The following EPAS1 variants were observed in gnomAD, a reference collection of about 807,000 sequenced individuals.
EPAS1 encodes endothelial PAS domain-containing protein 1.
Under a neutral mutation model 87.9 loss-of-function variants are expected in EPAS1, and 23 were observed. The ratio of observed to expected loss-of-function variants is 0.26; its 90% CI spans 0.19 to 0.37. EPAS1 has a LOEUF of 0.37. Among genes scored for constraint, EPAS1 ranks in the 10% least tolerant of loss-of-function variants. The pLI is 1.00. For synonymous variants in EPAS1, 508 were observed against 444.3 expected, an observed-to-expected ratio of 1.14 and a Z score of -1.80; for missense variants, 1,138 against 1,120.7, an observed-to-expected ratio of 1.02 and a Z score of -0.22.
intron 1 of EPAS1, among the ~76,000 whole-genome samples, chr2:46,329,586 G>A (rs182947299): frequency 2.4e-3 from 364 of 152,266 alleles, no homozygotes; most frequent in Non-Finnish European, 3.7e-3. Context: ...CACTTTAGGA[G>A]GCCGAGGCGG....
intron 11 of EPAS1, 33 bp downstream of exon 11, chr2:46,378,800 T>G: frequency 6.4e-7 from 1 of 1,555,720 alleles, no homozygotes; most frequent in Non-Finnish European, 8.9e-7. Context: ...CTAGGGTGTG[T>G]GCCTGCTGTC....
intron 1 of EPAS1, among the ~76,000 whole-genome samples, chr2:46,299,671 C>T (rs994278379): frequency 6.6e-6 from 1 of 152,194 alleles, no homozygotes; most frequent in Non-Finnish European, 1.5e-5. Context: ...TGACAGTAAT[C>T]TTGACAAATG....
At chr2:46,323,969 C>G (rs1369487848) in intron 1 of EPAS1, among the ~76,000 whole-genome samples, 1 of 152,234 alleles carries the variant, frequency 6.6e-6, no homozygotes, top group Non-Finnish European at 1.5e-5. Flanking sequence ...CCACCAACAA[C>G]AAATATTTAG....
intron 1 of EPAS1, among the ~76,000 whole-genome samples, chr2:46,317,870 A>T (rs1004146554): frequency 6.6e-6 from 1 of 152,200 alleles, no homozygotes; most frequent in Non-Finnish European, 1.5e-5. Context: ...TTCTTTCCTT[A>T]AATGTGACGA....
Position 46,382,883 on chromosome 2 carries a change from A to C in EPAS1, c.2461+285A>C, listed in dbSNP as rs143171675. ...GAATGCAGACCACTACCGACTGCCC[A>C]AAGAGGACTGAACACTGAACACTGG... is the stretch of plus-strand genomic sequence containing the variant. On this transcript the variant is annotated intron_variant, in intron 15 of 15. Transcript: ENST00000263734. Among the ~76,000 whole-genome samples, 724 of 152,372 alleles carry C rather than the reference A, an allele frequency of 4.8e-3. 3 individuals are homozygous for C. The highest frequency in any genetic ancestry group is 8.0e-3 in the Non-Finnish European group (547 of 68,040).
At position 46,346,725 on chromosome 2, in the gene EPAS1, G is replaced by A. The variant is rs1397823168; in HGVS notation, c.27-148G>A. The A allele has an allele frequency of 1.3e-6, 1 of 783,730 alleles. No individual in the cohort carries two copies. Among genetic ancestry groups the A allele is most frequent in the South Asian group, 1.5e-5 (1 of 65,166 alleles). 48.5% of individuals were successfully genotyped at this position (783,730 alleles called of 1,614,324 possible). The stretch of plus-strand genomic sequence containing the variant: ...GAGCTAACAATACAAAGCAGGTTGT[G>A]TGTGGCTCAGACAACTGGTGTGAGC... On this transcript the variant is annotated intron_variant, in intron 1 of 15. Transcript: ENST00000263734. The surrounding 1 kb of genome is among the most constrained non-coding windows in gnomAD (Gnocchi z 4.0).
At chr2:46,336,070 A>G (rs1683784212) in intron 1 of EPAS1, among the ~76,000 whole-genome samples, 1 of 152,160 alleles carries the variant, frequency 6.6e-6, no homozygotes, top group African/African-American at 2.4e-5. Context: ...AATAAAATCT[A>G]AGCCGCCCCA....
rs1327348797 is a variant in EPAS1, at chr2:46,375,180, AAAAAAAAAAC to A, written c.887-491_887-482del. On this transcript the variant is annotated intron_variant, in intron 7 of 15. Coordinates refer to ENST00000263734, the MANE Select transcript of EPAS1 (RefSeq NM_001430.5). The surrounding 1 kb of genome is among the most constrained non-coding windows in gnomAD (Gnocchi z 4.1). Reference sequence around the variant, plus strand: ...AGGGTATTGGTGGTGGGTCTGCTGAAAAAAAAAAACAAAAAAAAACAAAAAAAACTGCCCT... The same window carrying A: ...AGGGTATTGGTGGTGGGTCTGCTGAAAAAAAAAAACAAAAAAAACTGCCCT... Among the ~76,000 whole-genome samples, 37 of 144,766 alleles carry A rather than the reference AAAAAAAAAAC, an allele frequency of 2.6e-4. No homozygotes were observed. Among genetic ancestry groups the A allele is most frequent in the African/African-American group, 8.4e-4 (32 of 37,966 alleles). The allele number at this position is 144,766 out of a possible 152,430, so 95.0% of individuals were successfully genotyped here. A position where few individuals can be genotyped will look rare whatever the true frequency, so the allele number is the denominator to read the frequency against.
At chr2:46,331,866 G>T (rs371832063) in intron 1 of EPAS1, among the ~76,000 whole-genome samples, 6 of 152,176 alleles carry the variant, frequency 3.9e-5, no homozygotes, top group Admixed American at 3.3e-4. Context: ...TGCCTCTGAG[G>T]CTTCAGGACT....
In EPAS1 at chr2:46,347,857, T is replaced by C. The variant is rs913476182; in HGVS notation, c.217+794T>C. Among the ~76,000 whole-genome samples the C allele has an allele frequency of 3.3e-5, 5 of 152,178 alleles. No homozygotes were observed. The highest frequency in any genetic ancestry group is 5.9e-5 in the Non-Finnish European group (4 of 68,022). On this transcript the variant is annotated intron_variant, in intron 2 of 15. Transcript: ENST00000263734. This position sits in a 1 kb window ranked among gnomAD's most constrained non-coding sequence, Gnocchi z 4.2. ...CTAGGTGACATTCTCGTCAGGGGTG[T>C]CAGTTCTGTAAGGACGCTGGGCAAC...
intron 4 of EPAS1, among the ~76,000 whole-genome samples, chr2:46,358,951 T>C (rs1343889966): frequency 6.6e-6 from 1 of 152,004 alleles, no homozygotes; most frequent in Admixed American, 6.6e-5. Flanking sequence ...GTGATCTGTG[T>C]GGAGCAGTGT....
At chr2:46,345,744 G>T (rs1684010714) in intron 1 of EPAS1, among the ~76,000 whole-genome samples, 1 of 152,146 alleles carries the variant, frequency 6.6e-6, no homozygotes, top group African/African-American at 2.4e-5. Flanking sequence ...TTTATAGGAA[G>T]TATTATGTAT....
intron 1 of EPAS1, among the ~76,000 whole-genome samples, chr2:46,308,038 C>T (rs1683141238): frequency 6.6e-6 from 1 of 152,182 alleles, no homozygotes; most frequent in South Asian, 2.1e-4. Flanking sequence ...GACCCCACCT[C>T]ACCTCTATCG....
chr2:46,337,875 T>C (rs1455866315), intron 1 of EPAS1, among the ~76,000 whole-genome samples: 1 of 152,142 alleles, frequency 6.6e-6, no homozygotes, highest in Non-Finnish European at 1.5e-5. Flanking sequence ...CTTTTTCTTT[T>C]AAAGACAGAC....
chr2:46,319,427 A>C (rs1326484709), intron 1 of EPAS1, among the ~76,000 whole-genome samples: 3 of 152,214 alleles, frequency 2.0e-5, no homozygotes, highest in Non-Finnish European at 2.9e-5. Flanking sequence ...ATCTTTAAAA[A>C]GGCACTCTTT....
intron 1 of EPAS1, among the ~76,000 whole-genome samples, chr2:46,333,217 G>A (rs1460880038): frequency 6.6e-6 from 1 of 152,264 alleles, no homozygotes; most frequent in South Asian, 2.1e-4. Context: ...CTGGGGGACC[G>A]TGACTGATTT....
chr2:46,313,076 C>T (rs952420286), intron 1 of EPAS1, among the ~76,000 whole-genome samples: 3 of 152,172 alleles, frequency 2.0e-5, no homozygotes, highest in Non-Finnish European at 4.4e-5. Flanking sequence ...TTTAAGAGGT[C>T]AGACAGCTAC....
In EPAS1 at chr2:46,356,759, T is replaced by A; in HGVS notation, c.405T>A (p.Thr135=). Residue 135 remains threonine (T), a synonymous_variant, in exon 4 of 16, where the codon ACT becomes ACA. Coordinates refer to ENST00000263734, the MANE Select transcript of EPAS1 (RefSeq NM_001430.5). ...CAGGACATAGTATCTTTGACTTCAC[T>A]CATCCCTGCGACCATGAGGAGATTC... The part of the protein sequence containing the change: ...ELTGHSIFDF[T]HPCDHEEIRE... 1 of 1,613,958 alleles carries A rather than the reference T, an allele frequency of 6.2e-7. No individual in the cohort carries two copies. Among genetic ancestry groups the A allele is most frequent in the East Asian group, 2.2e-5 (1 of 44,896 alleles).
At chr2:46,327,566 G>A (rs1114794) in intron 1 of EPAS1, among the ~76,000 whole-genome samples, 1 of 152,104 alleles carries the variant, frequency 6.6e-6, no homozygotes, top group Admixed American at 6.5e-5. Flanking sequence ...TTGAACTGCA[G>A]AAAAACAAAA....
Sources: gnomAD v4.1 joint callset for allele counts (sites outside exome capture counted in the v4.1 genomes callset) on GRCh38, gnomAD v4.1.1 for gene constraint, Gnocchi (gnomAD v3.1) non-coding constraint, MANE v1.5 for transcripts, NCBI Gene and HGNC (gene_info 2026-07-23, HGNC 2026-07-21) for gene names.